KCNMB2: variants seen among roughly 807,000 people sequenced by gnomAD.
KCNMB2 encodes the protein calcium-activated potassium channel subunit beta-2.
KCNMB2 carries 9 observed loss-of-function variants against 24.5 expected under a neutral mutation model. The ratio of observed to expected loss-of-function variants is 0.37; its 90% CI spans 0.22 to 0.64. The LOEUF is 0.64. Among genes scored for constraint, KCNMB2 ranks in the 30% least tolerant of loss-of-function variants. The pLI, the probability that KCNMB2 is intolerant of heterozygous loss-of-function variation, is 0.63. For synonymous variants in KCNMB2, 109 were observed against 104.4 expected (o/e 1.04, Z -0.27); for missense variants, 226 against 284.3 (o/e 0.79, Z 1.47).
chr3:178,788,967 G>A (rs1713216026), intron 1 of KCNMB2, among the ~76,000 whole-genome samples: 1 of 152,166 alleles, frequency 6.6e-6, no homozygotes, highest in Non-Finnish European at 1.5e-5. Flanking sequence ...GGATAAAGAA[G>A]TGAATGCTGA....
intron 1 of KCNMB2, among the ~76,000 whole-genome samples, chr3:178,544,057 T>C (rs1451056565): frequency 9.9e-5 from 15 of 152,136 alleles, no homozygotes; most frequent in Admixed American, 9.8e-4. Context: ...CTAGCACAGT[T>C]CATGGCAGTA....
Position 178,828,312 on chromosome 3 carries a change from C to A in KCNMB2, c.362C>A (p.Thr121Asn). 1 of 1,614,020 alleles carries A rather than the reference C, an allele frequency of 6.2e-7. No individual in the cohort carries two copies. The highest frequency in any genetic ancestry group is 8.5e-7 in the Non-Finnish European group (1 of 1,179,896). ...TGCCTCCAGGTGTACGTTAACCTGA[C>A]TTCTTCCGGGGAAAAGCTCCTCCTC... ...YPCLQVYVNLTSSGEKLLLYH... is the reference protein window; with the variant it reads ...YPCLQVYVNLNSSGEKLLLYH... Residue 121 changes from threonine (T) to asparagine (N), a missense_variant, in exon 4 of 5, where the codon ACT becomes AAT. Coordinates refer to ENST00000452583, the MANE Select transcript of KCNMB2 (RefSeq NM_181361.3).
intron 1 of KCNMB2, among the ~76,000 whole-genome samples, chr3:178,701,039 T>A (rs1577108845): frequency 6.6e-6 from 1 of 152,250 alleles, no homozygotes; most frequent in African/African-American, 2.4e-5. Context: ...CCCATGCCTA[T>A]GTCCTGAATG....
At position 178,829,782 on chromosome 3, in the gene KCNMB2, C is replaced by T. The variant is rs975393964; in HGVS notation, c.423+1409C>T. On this transcript the variant is annotated intron_variant, in intron 4 of 4. Transcript: ENST00000452583. ...GTGAATGCATTATTTAGGCTATAAACGGAGAGGGAAGCTACCAATAAATGT... is the reference window on the plus strand; with the variant it reads ...GTGAATGCATTATTTAGGCTATAAATGGAGAGGGAAGCTACCAATAAATGT... Among the ~76,000 whole-genome samples the T allele has an allele frequency of 3.9e-5, 6 of 152,100 alleles. No individual in the cohort carries two copies. The South Asian group carries it at 6.2e-4, about 16-fold the overall frequency.
intron 1 of KCNMB2, among the ~76,000 whole-genome samples, chr3:178,648,023 A>C (rs1360202498): frequency 6.6e-6 from 1 of 152,112 alleles, no homozygotes; most frequent in Non-Finnish European, 1.5e-5. Flanking sequence ...TCAAGTGCAC[A>C]ACACTGAATT....
chr3:178,760,399 C>G (rs1488300058), intron 1 of KCNMB2, among the ~76,000 whole-genome samples: 1 of 128,018 alleles, frequency 7.8e-6, no homozygotes, highest in African/African-American at 3.1e-5. Flanking sequence ...TATCCATATC[C>G]AAGATATATA....
At chr3:178,638,950 T>C (rs1399764769) in intron 1 of KCNMB2, among the ~76,000 whole-genome samples, 1 of 152,192 alleles carries the variant, frequency 6.6e-6, no homozygotes, top group African/African-American at 2.4e-5. Context: ...TCTAGAAATA[T>C]AGACCATTGA....
intron 1 of KCNMB2, among the ~76,000 whole-genome samples, chr3:178,798,030 T>C (rs1258084039): frequency 6.6e-6 from 1 of 152,162 alleles, no homozygotes; most frequent in Admixed American, 6.5e-5. Context: ...TTAAGAAGCT[T>C]TTGGGCTGAG....
rs73047891 is a variant in KCNMB2, at chr3:178,704,738, T to C, written c.-67-102605T>C. On this transcript the variant is annotated intron_variant, in intron 1 of 4. Coordinates refer to ENST00000452583, the MANE Select transcript of KCNMB2 (RefSeq NM_181361.3). ...GACTCAAGAGGTTAACTGGCTTTGT[T>C]AAACTCAACACCAGTTAATGAGAGA... 1.7e-3 allele frequency among the ~76,000 whole-genome samples: 264 copies of C among 152,304 alleles called. 1 individual carries two copies. Among genetic ancestry groups the C allele is most frequent in the African/African-American group, 6.1e-3 (252 of 41,570 alleles).
At chr3:178,814,919 T>C (rs1015517884) in intron 2 of KCNMB2, among the ~76,000 whole-genome samples, 2 of 152,190 alleles carry the variant, frequency 1.3e-5, no homozygotes, top group African/African-American at 2.4e-5. Flanking sequence ...ATTCTGTAGG[T>C]AGTCTGTTTA....
At chr3:178,580,916 C>T (rs1023692573) in intron 1 of KCNMB2, among the ~76,000 whole-genome samples, 1 of 152,116 alleles carries the variant, frequency 6.6e-6, no homozygotes, top group African/African-American at 2.4e-5. Flanking sequence ...TAGGAAGAAT[C>T]AATATAGTTA....
chr3:178,644,684 G>T (rs1035664834), intron 1 of KCNMB2, among the ~76,000 whole-genome samples: 1 of 152,196 alleles, frequency 6.6e-6, no homozygotes, highest in African/African-American at 2.4e-5. Flanking sequence ...TTCTGCCATA[G>T]ACCCATGCTT....
intron 1 of KCNMB2, among the ~76,000 whole-genome samples, chr3:178,697,090 G>T (rs192752384): frequency 1.3e-5 from 2 of 152,278 alleles, no homozygotes; most frequent in Non-Finnish European, 2.9e-5. Flanking sequence ...TTGTTTTGGG[G>T]TGAAGAGTTC....
intron 1 of KCNMB2, chr3:178,757,114 T>C (rs1034369281): frequency 4.0e-5 from 6 of 151,168 alleles, no homozygotes; most frequent in South Asian, 4.2e-4. Context: ...TTGTTTCTTC[T>C]TTCTCCTTAA....
At chr3:178,563,126 T>C (rs1337395176) in intron 1 of KCNMB2, among the ~76,000 whole-genome samples, 1 of 152,148 alleles carries the variant, frequency 6.6e-6, no homozygotes, top group Non-Finnish European at 1.5e-5. Flanking sequence ...TTTGAAAAAG[T>C]GTAGACCCTT....
intron 1 of KCNMB2, among the ~76,000 whole-genome samples, chr3:178,737,484 C>T (rs1723356031): frequency 1.3e-5 from 2 of 152,176 alleles, no homozygotes. Context: ...CCTACATTTA[C>T]ATTACAGCAC....
intron 1 of KCNMB2, among the ~76,000 whole-genome samples, chr3:178,669,629 C>G (rs1720833516): frequency 6.6e-6 from 1 of 152,000 alleles, no homozygotes; most frequent in Non-Finnish European, 1.5e-5. Context: ...AAGAGGCAAT[C>G]CCTGTCTTCC....
intron 4 of KCNMB2, among the ~76,000 whole-genome samples, chr3:178,830,366 C>T (rs1397278518): frequency 6.6e-6 from 1 of 152,058 alleles, no homozygotes; most frequent in African/African-American, 2.4e-5. Context: ...TGCTGATGGA[C>T]ATTTTGAATT....
At chr3:178,796,791 A>G (rs774070561) in intron 1 of KCNMB2, among the ~76,000 whole-genome samples, 1 of 152,128 alleles carries the variant, frequency 6.6e-6, no homozygotes, top group African/African-American at 2.4e-5. Context: ...ACCTACATCA[A>G]AAAAGTAGAA....
Sources: allele counts gnomAD v4.1 joint callset (sites outside exome capture counted in the v4.1 genomes callset), GRCh38; gene constraint gnomAD v4.1.1; transcripts MANE v1.5; gene names NCBI Gene and HGNC (gene_info 2026-07-23, HGNC 2026-07-21).